EXOC2: variants seen among roughly 807,000 people sequenced by gnomAD.
The protein encoded by EXOC2 is SEC5-like 1.
EXOC2 carries 70 observed loss-of-function variants against 131.8 expected under a neutral mutation model. That is an observed-to-expected ratio of 0.53 (90% CI 0.44 to 0.65). The LOEUF is 0.65. EXOC2 is among the 30% of genes least tolerant of loss of function. EXOC2 has a pLI of 0.00. For synonymous variants in EXOC2, 411 were observed against 398.4 expected (o/e 1.03, Z -0.38); for missense variants, 923 against 1,108.6 (o/e 0.83, Z 2.38).
At chr6:524,084 A>T (rs1340564904) in intron 23 of EXOC2, 1 of 152,142 alleles carries the variant, frequency 6.6e-6, no homozygotes, top group East Asian at 1.9e-4. Context: ...CTGCTTATGG[A>T]TTTATTTTTT....
chr6:656,876 G>A, intron 1 of EXOC2: 2 of 1,604,978 alleles, frequency 1.2e-6, no homozygotes, highest in Non-Finnish European at 1.7e-6. Flanking sequence ...CTAGCCTCGC[G>A]ACGGTGCCGC....
chr6:529,839 A>G (rs896806648), intron 23 of EXOC2, among the ~76,000 whole-genome samples: 1 of 152,250 alleles, frequency 6.6e-6, no homozygotes, highest in Non-Finnish European at 1.5e-5. Context: ...ATGTGTGAAC[A>G]GTTAATGTCG....
At chr6:625,302 C>G (rs764564759) in intron 4 of EXOC2, among the ~76,000 whole-genome samples, 11 of 152,244 alleles carry the variant, frequency 7.2e-5, no homozygotes, top group Non-Finnish European at 1.6e-4. Context: ...ACCCCACACA[C>G]AGTGAGGCCT....
At chr6:546,961 T>C (rs1191328096) in intron 22 of EXOC2, among the ~76,000 whole-genome samples, 1 of 152,214 alleles carries the variant, frequency 6.6e-6, no homozygotes, top group Admixed American at 6.5e-5. Flanking sequence ...TTCTTTAAGA[T>C]GCATGGTGCT....
Position 629,907 on chromosome 6 carries a change from C to G in EXOC2, c.350G>C (p.Arg117Pro). Residue 117 changes from arginine to proline, a missense_variant, in exon 4 of 28, where the codon CGC (arginine) becomes CCC (proline). Physicochemically the swap from Arg to Pro is moderately radical, Grantham distance 103. Transcript: ENST00000230449. ...CGGAATTCCTTTGTTCCTGTCAGTG[C>G]GCATATCATAATAATTCATTTCATC... is the stretch of plus-strand genomic sequence containing the variant. The part of the protein sequence containing the change: ...WVDEMNYYDM[R>P]TDRNKGIPPL... 6.2e-7 allele frequency: 1 copy of G among 1,614,066 alleles called. No individual in the cohort carries two copies. Among genetic ancestry groups the G allele is most frequent in the Non-Finnish European group, 8.5e-7 (1 of 1,179,952 alleles).
In EXOC2 at chr6:561,861, C is replaced by T. The variant is rs183376103; in HGVS notation, c.1851+923G>A. Among the ~76,000 whole-genome samples, 473 of 152,310 alleles carry T rather than the reference C, an allele frequency of 3.1e-3. 1 individual carries two copies. The highest frequency in any genetic ancestry group is 0.011 in the African/African-American group (446 of 41,558). ...CCTCCAAAAGTGCTGGGATTATAGGCGTGAGCCACCGCACCCAGCCTATCC... is the reference window on the plus strand; with the variant it reads ...CCTCCAAAAGTGCTGGGATTATAGGTGTGAGCCACCGCACCCAGCCTATCC... On this transcript the variant is annotated intron_variant, in intron 17 of 27. Coordinates refer to ENST00000230449, the MANE Select transcript of EXOC2 (RefSeq NM_018303.6).
In EXOC2 at chr6:601,229, A is replaced by G. The variant is rs146421691; in HGVS notation, c.743-2004T>C. ...GCGAATCCACACACATTCTCACACC[A>G]AGAACACCCCGTGTACGAATCCACA... is the stretch of plus-strand genomic sequence containing the variant. On this transcript the variant is annotated intron_variant, in intron 7 of 27. Transcript: ENST00000230449. Among the ~76,000 whole-genome samples, 1,078 of 144,924 alleles carry G rather than the reference A, an allele frequency of 7.4e-3. 23 individuals are homozygous for G. The highest frequency in any genetic ancestry group is 0.027 in the African/African-American group (1,017 of 37,186).
chr6:688,236 G>A (rs1404886361), intron 1 of EXOC2, among the ~76,000 whole-genome samples: 1 of 152,242 alleles, frequency 6.6e-6, no homozygotes, highest in African/African-American at 2.4e-5. Context: ...ATTCTGCAGA[G>A]ATAAGAAGCG....
chr6:540,044 A>G (rs1299564130), intron 22 of EXOC2, among the ~76,000 whole-genome samples: 1 of 152,258 alleles, frequency 6.6e-6, no homozygotes, highest in African/African-American at 2.4e-5. Flanking sequence ...GTCACCTGAA[A>G]CAGAAGGACA....
intron 11 of EXOC2, among the ~76,000 whole-genome samples, chr6:581,612 A>C (rs1446867055): frequency 6.6e-6 from 1 of 152,202 alleles, no homozygotes; most frequent in Non-Finnish European, 1.5e-5. Context: ...TTCTGGAAAT[A>C]AATATTCTTA....
chr6:585,863 T>C (rs531118158), intron 11 of EXOC2, among the ~76,000 whole-genome samples: 2 of 152,262 alleles, frequency 1.3e-5, no homozygotes, highest in Non-Finnish European at 2.9e-5. Context: ...TTCTTATCCA[T>C]TGTTCTGCTA....
chr6:491,009 C>A, intron 26 of EXOC2, 116 bp downstream of exon 26: 1 of 1,063,158 alleles, frequency 9.4e-7, no homozygotes, highest in South Asian at 1.4e-5. Context: ...AACTTTATCA[C>A]ATCACAAATT....
intron 1 of EXOC2, among the ~76,000 whole-genome samples, chr6:650,298 TATCTATA>T (rs1762771930): frequency 6.6e-6 from 1 of 152,216 alleles, no homozygotes; most frequent in South Asian, 2.1e-4. Flanking sequence ...AAACGTTTCT[TATCTATA>T]AACAAGATGA....
At chr6:640,515 C>T (rs755051830) in intron 1 of EXOC2, among the ~76,000 whole-genome samples, 22 of 152,190 alleles carry the variant, frequency 1.4e-4, no homozygotes, top group Non-Finnish European at 2.8e-4. Flanking sequence ...TATGTTAAAC[C>T]CAGCCCCAGT....
At chr6:540,728 T>C (rs1317004091) in intron 22 of EXOC2, among the ~76,000 whole-genome samples, 2 of 152,030 alleles carry the variant, frequency 1.3e-5, no homozygotes, top group African/African-American at 2.4e-5. Context: ...ACAGAAAAGT[T>C]TGAATGGAGA....
intron 22 of EXOC2, among the ~76,000 whole-genome samples, chr6:534,539 T>C (rs1186032359): frequency 6.6e-6 from 1 of 152,204 alleles, no homozygotes; most frequent in East Asian, 1.9e-4. Context: ...ACGTCAGATT[T>C]CTCACATGCA....
At chr6:524,982 C>T (rs1765665869) in intron 23 of EXOC2, 1 of 152,308 alleles carries the variant, frequency 6.6e-6, no homozygotes, top group Non-Finnish European at 1.5e-5. Context: ...CTGGTGCAAG[C>T]TCCCCTCCTG....
At chr6:606,784 C>T (rs1760441219) in intron 7 of EXOC2, among the ~76,000 whole-genome samples, 1 of 152,228 alleles carries the variant, frequency 6.6e-6, no homozygotes, top group Non-Finnish European at 1.5e-5. Flanking sequence ...GACAGGAGGA[C>T]CTACATCCCC....
intron 7 of EXOC2, among the ~76,000 whole-genome samples, chr6:602,578 C>T (rs1156699459): frequency 2.6e-5 from 4 of 152,228 alleles, no homozygotes; most frequent in Non-Finnish European, 4.4e-5. Flanking sequence ...ACAAGTCCAC[C>T]TGGAGTGGAT....
Sources: gnomAD v4.1 joint callset for allele counts (sites outside exome capture counted in the v4.1 genomes callset) on GRCh38, gnomAD v4.1.1 for gene constraint, MANE v1.5 for transcripts, NCBI Gene and HGNC (gene_info 2026-07-23, HGNC 2026-07-21) for gene names.